Variants in PARVB observed in about 807,000 individuals in gnomAD.
The protein encoded by PARVB is beta-parvin.
A neutral mutation model predicts 47.0 loss-of-function variants in PARVB; 46 were observed. The ratio of observed to expected loss-of-function variants is 0.98; its 90% confidence interval spans 0.77 to 1.25. The LOEUF is 1.25. Ranked by LOEUF, PARVB falls within the 50% of genes most tolerant of loss-of-function variation. The pLI is 0.00. For missense variants in PARVB, 473 were observed against 471.6 expected, an observed-to-expected ratio of 1.00 and a Z score of -0.03; for synonymous variants, 196 against 196.3, an observed-to-expected ratio of 1.00 and a Z score of 0.01.
chr22:44,101,737 A>C (rs978272976), intron 3 of PARVB, among the ~76,000 whole-genome samples: 22 of 150,918 alleles, frequency 1.5e-4, no homozygotes, highest in Admixed American at 5.2e-4. Context: ...ACCAAGAGTA[A>C]AACTCCATCT....
chr22:44,118,333 A>G (rs566322952), intron 3 of PARVB, among the ~76,000 whole-genome samples: 48 of 152,370 alleles, frequency 3.2e-4, no homozygotes, highest in African/African-American at 1.1e-3. Flanking sequence ...TCCTATTAAT[A>G]TGAAATGTCC....
intron 2 of PARVB, chr22:44,009,637 C>T (rs965686746): frequency 7.3e-5 from 11 of 150,336 alleles, no homozygotes; most frequent in African/African-American, 2.7e-4. Context: ...ATGTTTATTA[C>T]ATATATATAA....
chr22:44,042,461 C>T (rs886395297), intron 1 of PARVB, among the ~76,000 whole-genome samples: 1 of 152,154 alleles, frequency 6.6e-6, no homozygotes, highest in Non-Finnish European at 1.5e-5. Flanking sequence ...CTCATCTCCC[C>T]AGTAAGCTGT....
intron 1 of PARVB, among the ~76,000 whole-genome samples, chr22:44,062,891 T>C (rs2146962035): frequency 6.6e-6 from 1 of 152,140 alleles, no homozygotes; most frequent in African/African-American, 2.4e-5. Flanking sequence ...CTTCATCATG[T>C]AGGCATGTCT....
intron 11 of PARVB, among the ~76,000 whole-genome samples, chr22:44,163,245 G>A (rs986796124): frequency 6.6e-6 from 1 of 152,144 alleles, no homozygotes; most frequent in African/African-American, 2.4e-5. Flanking sequence ...TGAGGCGGGT[G>A]GATCATTTGA....
intron 2 of PARVB, among the ~76,000 whole-genome samples, chr22:44,001,335 C>T (rs112053207): frequency 4.6e-5 from 7 of 152,250 alleles, no homozygotes; most frequent in African/African-American, 1.7e-4. Context: ...TACAGATGCT[C>T]GTTGACTTAC....
At chr22:44,071,409 C>G (rs147685130) in intron 1 of PARVB, among the ~76,000 whole-genome samples, 1 of 152,208 alleles carries the variant, frequency 6.6e-6, no homozygotes, top group Admixed American at 6.5e-5. Flanking sequence ...AATTGAAAAG[C>G]TGTGCTGAAT....
chr22:44,095,500 C>G (rs1349185523), intron 2 of PARVB, among the ~76,000 whole-genome samples: 1 of 139,398 alleles, frequency 7.2e-6, no homozygotes, highest in African/African-American at 2.7e-5. Flanking sequence ...CGAGACATCT[C>G]AAAGTAAAAA....
upstream of PARVB, among the ~76,000 whole-genome samples, chr22:44,019,910 A>G (rs1031614190): frequency 1.3e-5 from 2 of 152,242 alleles, no homozygotes; most frequent in Non-Finnish European, 2.9e-5. Flanking sequence ...CCTAATCCCC[A>G]GTACTGTGAC....
intron 8 of PARVB, chr22:44,144,406 C>T (rs1373533622): frequency 6.6e-6 from 1 of 152,286 alleles, no homozygotes; most frequent in African/African-American, 2.4e-5. Context: ...CAGCTTATTG[C>T]TGCCAGGTGG....
At position 44,155,097 on chromosome 22, in the gene PARVB, T is replaced by G. The variant is rs1296644731; in HGVS notation, c.844-2885T>G. On this transcript the variant is annotated intron_variant, in intron 10 of 12. Transcript: ENST00000338758. This position sits in a 1 kb window ranked among gnomAD's most constrained non-coding sequence, Gnocchi z 4.8. ...GTGTGGTGTGTGTGTGGTGTAGGTG[T>G]GTGTTTTCCCTCCTTTTCCAAACCA... 6.6e-6 allele frequency among the ~76,000 whole-genome samples: 1 copy of G among 151,928 alleles called. No individual in the cohort carries two copies. Among genetic ancestry groups the G allele is most frequent in the Non-Finnish European group, 1.5e-5 (1 of 67,976 alleles).
intron 1 of PARVB, among the ~76,000 whole-genome samples, chr22:44,026,025 G>A (rs2050722660): frequency 6.6e-6 from 1 of 152,212 alleles, no homozygotes; most frequent in Non-Finnish European, 1.5e-5. Flanking sequence ...CTCTGAGGAG[G>A]GGACACTTGA....
At chr22:44,081,431 A>G (rs185123577) in intron 1 of PARVB, among the ~76,000 whole-genome samples, 83 of 152,300 alleles carry the variant, frequency 5.4e-4, no homozygotes, top group African/African-American at 1.9e-3. Flanking sequence ...GGTGCATAGT[A>G]AAGCCTTTCT....
intron 9 of PARVB, chr22:44,148,982 A>C (rs1601684128): frequency 1.3e-5 from 2 of 152,184 alleles, no homozygotes; most frequent in East Asian, 1.9e-4. Flanking sequence ...ACCTCGTCAC[A>C]TGTGGCCCCC....
chr22:44,132,823 C>T, intron 5 of PARVB, 71 bp from the exon 6 acceptor site: 2 of 948,762 alleles, frequency 2.1e-6, no homozygotes, highest in Admixed American at 3.6e-5. Context: ...GTCTCTGTTG[C>T]CTTCTGCACG....
intron 9 of PARVB, chr22:44,149,314 GGAA>G (rs1054174614): frequency 2.0e-5 from 3 of 152,204 alleles, no homozygotes; most frequent in Non-Finnish European, 4.4e-5. Flanking sequence ...CCACCAGCAA[GGAA>G]GAAGACAGAA....
chr22:44,135,228 A>G (rs923176756), intron 6 of PARVB, among the ~76,000 whole-genome samples: 2 of 150,954 alleles, frequency 1.3e-5, no homozygotes, highest in South Asian at 4.2e-4. Flanking sequence ...CACCCCTACC[A>G]TCACCACTGC....
At chr22:44,121,595 C>G (rs920834542) in intron 4 of PARVB, among the ~76,000 whole-genome samples, 2 of 151,398 alleles carry the variant, frequency 1.3e-5, no homozygotes, top group African/African-American at 4.9e-5. Context: ...ATAACACATT[C>G]CCCTGGACTG....
At position 44,171,596 on chromosome 22, in the gene PARVB, G is replaced by T. The variant is rs1220453097; in HGVS notation, c.*2918G>T. 6.6e-6 allele frequency: 1 copy of T among 152,116 alleles called. No homozygotes were observed. The highest frequency in any genetic ancestry group is 1.5e-5 in the Non-Finnish European group (1 of 68,062). 9.4% of individuals were successfully genotyped at this position (152,116 alleles called of 1,614,324 possible). A position where few individuals can be genotyped will look rare whatever the true frequency, so the allele number is the denominator to read the frequency against. On this transcript the variant is annotated 3_prime_UTR_variant, in exon 13 of 13. Transcript: ENST00000338758. ...CATTCTGTGTCATCAGAGGGGAGAG[G>T]ACGGTTACTGTGGGAGGGGGCTTCA...
Sources: gnomAD v4.1 joint callset for allele counts (sites outside exome capture counted in the v4.1 genomes callset) on GRCh38, gnomAD v4.1.1 for gene constraint, Gnocchi (gnomAD v3.1) non-coding constraint, MANE v1.5 for transcripts, NCBI Gene and HGNC (gene_info 2026-07-23, HGNC 2026-07-21) for gene names.